Variants in PIAS2 observed in about 807,000 individuals in gnomAD.
PIAS2 encodes the protein E3 SUMO-protein ligase PIAS2.
In PIAS2, 19 loss-of-function variants were observed where a neutral mutation model predicts 69.7. The ratio of observed to expected loss-of-function variants is 0.27; its 90% CI spans 0.19 to 0.40. The LOEUF is 0.40. PIAS2 is among the 10% of genes least tolerant of loss of function. PIAS2 has a pLI of 1.00. For missense variants in PIAS2, 624 were observed against 757.0 expected, an observed-to-expected ratio of 0.82 and a Z score of 2.06; for synonymous variants, 261 against 263.2, an observed-to-expected ratio of 0.99 and a Z score of 0.08.
intron 1 of PIAS2, chr18:46,891,658 C>G: frequency 1.0e-6 from 1 of 963,038 alleles, no homozygotes; most frequent in African/African-American, 1.8e-5. Flanking sequence ...ATTTAGCAGT[C>G]AAACTTCTAA....
chr18:46,849,459 T>G (rs1237229972), intron 5 of PIAS2, among the ~76,000 whole-genome samples: 2 of 152,120 alleles, frequency 1.3e-5, no homozygotes, highest in African/African-American at 2.4e-5. Context: ...AAAGCAAAAA[T>G]AAAGTCAAGT....
chr18:46,833,361 A>T (rs552444907), intron 9 of PIAS2, among the ~76,000 whole-genome samples: 91 of 152,334 alleles, frequency 6.0e-4, no homozygotes, highest in African/African-American at 2.2e-3. Flanking sequence ...AACAGAAAGC[A>T]TATCAGTGTT....
At chr18:46,853,336 A>C (rs1758820132) in intron 5 of PIAS2, 1 of 152,050 alleles carries the variant, frequency 6.6e-6, no homozygotes, top group Non-Finnish European at 1.5e-5. Context: ...ATCTAGGGCA[A>C]AGAAAAATGG....
At chr18:46,909,490 C>T (rs2057012374) in intron 1 of PIAS2, among the ~76,000 whole-genome samples, 1 of 152,168 alleles carries the variant, frequency 6.6e-6, no homozygotes, top group Non-Finnish European at 1.5e-5. Context: ...TCAAGCCATC[C>T]ACCCACCATG....
At chr18:46,900,376 A>G (rs557792047) in intron 1 of PIAS2, among the ~76,000 whole-genome samples, 393 of 151,608 alleles carry the variant, frequency 2.6e-3, no homozygotes, top group African/African-American at 9.3e-3. Flanking sequence ...AAAAAAAAAA[A>G]GATAATATAG....
intron 12 of PIAS2, among the ~76,000 whole-genome samples, chr18:46,820,332 T>C (rs909849076): frequency 1.3e-5 from 2 of 152,166 alleles, no homozygotes; most frequent in Non-Finnish European, 2.9e-5. Context: ...TTCAACTTTA[T>C]CATGAGTATA....
At chr18:46,828,853 T>C (rs2043181730) in intron 10 of PIAS2, among the ~76,000 whole-genome samples, 1 of 152,158 alleles carries the variant, frequency 6.6e-6, no homozygotes. Flanking sequence ...TGAATGACAG[T>C]TGATAATGGA....
intron 5 of PIAS2, among the ~76,000 whole-genome samples, chr18:46,850,040 T>C (rs1048686734): frequency 1.3e-5 from 2 of 152,202 alleles, no homozygotes; most frequent in East Asian, 3.8e-4. Context: ...GTCTTTCGAT[T>C]CAGATCTCCC....
intron 3 of PIAS2, among the ~76,000 whole-genome samples, chr18:46,860,180 A>G (rs1234417203): frequency 6.6e-6 from 1 of 152,212 alleles, no homozygotes; most frequent in African/African-American, 2.4e-5. Flanking sequence ...AAAACCACTC[A>G]TGTTTGGGTT....
intron 1 of PIAS2, chr18:46,900,901 G>C (rs1389085617): frequency 3.9e-6 from 1 of 256,428 alleles, no homozygotes; most frequent in African/African-American, 2.4e-5. Flanking sequence ...CTGAACCCTA[G>C]AGGCGGAGGT....
At chr18:46,918,542 C>T (rs1013415014), upstream of PIAS2, among the ~76,000 whole-genome samples, 4 of 152,148 alleles carry the variant, frequency 2.6e-5, no homozygotes. Context: ...GCAATGTCTG[C>T]CTCCCGGGTT....
chr18:46,859,076 T>C (rs917898439), intron 3 of PIAS2, among the ~76,000 whole-genome samples: 4 of 152,172 alleles, frequency 2.6e-5, no homozygotes, highest in African/African-American at 9.6e-5. Flanking sequence ...AAGACCATAC[T>C]AGCTCCCTCA....
intron 1 of PIAS2, among the ~76,000 whole-genome samples, chr18:46,896,993 A>G (rs2054991325): frequency 6.6e-6 from 1 of 152,192 alleles, no homozygotes; most frequent in Admixed American, 6.5e-5. Flanking sequence ...ATATATGACA[A>G]AAGACTGGAG....
intron 8 of PIAS2, among the ~76,000 whole-genome samples, chr18:46,842,049 C>T (rs910524754): frequency 1.3e-5 from 2 of 151,716 alleles, no homozygotes; most frequent in African/African-American, 4.8e-5. Context: ...GGCAACATGG[C>T]GAAAGATCTC....
intron 11 of PIAS2, chr18:46,827,176 T>G (rs1229686464): frequency 6.6e-6 from 1 of 152,182 alleles, no homozygotes; most frequent in Admixed American, 6.5e-5. Context: ...GCCAAAAAGA[T>G]GACACTAGCA....
intron 3 of PIAS2, 98 bp from the exon 4 acceptor site, chr18:46,855,713 T>C: frequency 2.2e-6 from 2 of 900,078 alleles, no homozygotes; most frequent in South Asian, 3.0e-5. Context: ...TATTTGTATT[T>C]TTCTTATTCC....
intron 2 of PIAS2, among the ~76,000 whole-genome samples, chr18:46,888,873 T>C (rs1598856676): frequency 1.3e-5 from 2 of 152,172 alleles, no homozygotes; most frequent in African/African-American, 4.8e-5. Flanking sequence ...TGTGGACTGG[T>C]GCTAGTCCAC....
In PIAS2 at chr18:46,850,178, T is replaced by C. The variant is rs570263894; in HGVS notation, c.727-3337A>G. ...CAGTAATGTACTTACCCATGAACAA[T>C]CTTTACCTACTCTACCCAACTCCCA... is the stretch of plus-strand genomic sequence containing the variant. On this transcript the variant is annotated intron_variant, in intron 5 of 13. Coordinates refer to ENST00000585916, the MANE Select transcript of PIAS2 (RefSeq NM_004671.5). Among the ~76,000 whole-genome samples the C allele has an allele frequency of 2.6e-5, 4 of 152,318 alleles. No individual in the cohort carries two copies. In the South Asian group the frequency reaches 8.3e-4, roughly 32 times the overall value.
chr18:46,916,467 G>C (rs2057917476), intron 1 of PIAS2, among the ~76,000 whole-genome samples: 1 of 151,516 alleles, frequency 6.6e-6, no homozygotes, highest in Admixed American at 6.6e-5. Context: ...GTAATTCAGC[G>C]ATACACACAA....
Sources: gnomAD v4.1 joint callset for allele counts (sites outside exome capture counted in the v4.1 genomes callset) on GRCh38, gnomAD v4.1.1 for gene constraint, MANE v1.5 for transcripts, NCBI Gene and HGNC (gene_info 2026-07-23, HGNC 2026-07-21) for gene names.